The following FER1L6 variants were observed in gnomAD, a reference collection of about 807,000 sequenced individuals.
The protein encoded by FER1L6 is fer-1-like protein 6.
Under a neutral mutation model 219.2 loss-of-function variants are expected in FER1L6, and 177 were observed. The observed-to-expected ratio is 0.81, with a 90% CI of 0.71 to 0.91. The LOEUF (loss-of-function observed/expected upper bound fraction) is 0.91. FER1L6 is among the 40% of genes least tolerant of loss of function. The probability of loss-of-function intolerance (pLI) is 0.00; values close to 1 mark genes in which losing one functional copy is unlikely to be tolerated. For synonymous variants in FER1L6, 768 were observed against 824.3 expected (o/e 0.93, Z 1.17); for missense variants, 2,153 against 2,259.9 (o/e 0.95, Z 0.96).
chr8:123,919,344 C>T (rs1278898202), intron 1 of FER1L6, among the ~76,000 whole-genome samples: 1 of 152,210 alleles, frequency 6.6e-6, no homozygotes, highest in East Asian at 1.9e-4. Context: ...GTAGGGAGGA[C>T]TTGCTTTGCA....
At position 124,039,913 on chromosome 8, in the gene FER1L6, G is replaced by A. The variant is rs1255829989; in HGVS notation, c.2496G>A (p.Met832Ile). 5.6e-6 allele frequency: 9 copies of A among 1,614,010 alleles called. No individual in the cohort carries two copies. Among genetic ancestry groups the A allele is most frequent in the Non-Finnish European group, 7.6e-6 (9 of 1,180,002 alleles). The change falls in exon 20 of 41, where the codon ATG becomes ATA. Residue 832 changes from methionine to isoleucine, a missense_variant. Transcript: ENST00000522917. The part of the protein sequence containing the change: ...EQHVFQLRAH[M>I]YQARGLIAAD... ...ATGTTTTTCAGCTGAGGGCTCACATGTACCAAGCCCGGGGCCTCATCGCAG... is the reference window on the plus strand; with the variant it reads ...ATGTTTTTCAGCTGAGGGCTCACATATACCAAGCCCGGGGCCTCATCGCAG...
At chr8:123,945,429 C>T (rs542571363) in intron 1 of FER1L6, among the ~76,000 whole-genome samples, 31 of 152,348 alleles carry the variant, frequency 2.0e-4, no homozygotes, top group African/African-American at 7.2e-4. Flanking sequence ...ACACAAAAGG[C>T]TCACTGAAGA....
intron 9 of FER1L6, 102 bp downstream of exon 9, chr8:123,976,186 T>A: frequency 9.7e-7 from 1 of 1,029,152 alleles, no homozygotes; most frequent in Non-Finnish European, 1.4e-6. Context: ...AGGAAGTGCC[T>A]TGAAAGCAAA....
At chr8:123,957,033 T>C (rs1471951387) in intron 2 of FER1L6, among the ~76,000 whole-genome samples, 2 of 152,204 alleles carry the variant, frequency 1.3e-5, no homozygotes, top group African/African-American at 4.8e-5. Context: ...TAGCCTTGAT[T>C]AAAAAGCAGC....
chr8:124,095,780 C>T (rs911486526), intron 35 of FER1L6, among the ~76,000 whole-genome samples: 1 of 152,228 alleles, frequency 6.6e-6, no homozygotes, highest in African/African-American at 2.4e-5. Context: ...TGACACCTTC[C>T]TCTTATTCCT....
At position 124,093,833 on chromosome 8, in the gene FER1L6, G is replaced by GT. The variant is rs200306368; in HGVS notation, c.4553-1062dup. ...TTTAATTTTTGTGGGTACATAATAGGTATTTATATTTATGGGATAAATAAA... is the reference window on the plus strand; with the variant it reads ...TTTAATTTTTGTGGGTACATAATAGGTTATTTATATTTATGGGATAAATAAA... On this transcript the variant is annotated intron_variant, in intron 34 of 40. Coordinates refer to ENST00000522917, the MANE Select transcript of FER1L6 (RefSeq NM_001039112.2). Among the ~76,000 whole-genome samples, 596 of 151,566 alleles carry GT rather than the reference G, an allele frequency of 3.9e-3. 5 individuals carry two copies. The highest frequency in any genetic ancestry group is 0.014 in the African/African-American group (567 of 41,274).
At chr8:123,905,470 C>T (rs894637839) in intron 1 of FER1L6, among the ~76,000 whole-genome samples, 1 of 152,092 alleles carries the variant, frequency 6.6e-6, no homozygotes, top group African/African-American at 2.4e-5. Flanking sequence ...TTTCTTTATC[C>T]AGTTTATCAT....
intron 1 of FER1L6, among the ~76,000 whole-genome samples, chr8:123,898,452 T>TC (rs1419057730): frequency 7.9e-5 from 12 of 151,664 alleles, no homozygotes; most frequent in Non-Finnish European, 1.3e-4. Context: ...CTCTTCCAAG[T>TC]CCCCAAAGTC....
At chr8:124,018,239 T>A (rs1818289274) in intron 16 of FER1L6, among the ~76,000 whole-genome samples, 1 of 152,206 alleles carries the variant, frequency 6.6e-6, no homozygotes, top group African/African-American at 2.4e-5. Flanking sequence ...AGGCCCTGGA[T>A]TATCTCAATT....
At chr8:124,077,302 C>T (rs974269783) in intron 32 of FER1L6, among the ~76,000 whole-genome samples, 2 of 152,182 alleles carry the variant, frequency 1.3e-5, no homozygotes. Context: ...TTGCTCCCCA[C>T]CTTAGTAATT....
At chr8:123,947,997 T>C (rs545076000) in intron 1 of FER1L6, among the ~76,000 whole-genome samples, 1 of 152,302 alleles carries the variant, frequency 6.6e-6, no homozygotes, top group African/African-American at 2.4e-5. Flanking sequence ...CTGGAGTACA[T>C]GGTTTGAGGA....
At chr8:123,970,007 T>A in intron 5 of FER1L6, 28 bp from the exon 6 acceptor site, 1 of 1,606,440 alleles carries the variant, frequency 6.2e-7, no homozygotes. Flanking sequence ...CTGGGGTTGA[T>A]GACCAGAATG....
chr8:123,953,544 C>T (rs1814873013), intron 1 of FER1L6, among the ~76,000 whole-genome samples: 1 of 152,198 alleles, frequency 6.6e-6, no homozygotes, highest in Non-Finnish European at 1.5e-5. Context: ...TCTTCCCCAG[C>T]CCATGACAGC....
chr8:124,082,976 C>T (rs1056253798), intron 33 of FER1L6, among the ~76,000 whole-genome samples: 1 of 145,312 alleles, frequency 6.9e-6, no homozygotes, highest in Non-Finnish European at 1.5e-5. Flanking sequence ...TTCATGGGTA[C>T]ATAAATGTGT....
intron 1 of FER1L6, among the ~76,000 whole-genome samples, chr8:123,884,614 G>C (rs1817166805): frequency 6.6e-6 from 1 of 152,138 alleles, no homozygotes; most frequent in Admixed American, 6.6e-5. Flanking sequence ...GCATTAGCTG[G>C]GGTCCCAGAA....
rs11781504 is a variant in FER1L6, at chr8:123,853,764, A to G, written c.-8+1579A>G. 0.29 allele frequency among the ~76,000 whole-genome samples: 44,318 copies of G among 152,178 alleles called. 7,054 individuals are homozygous for G. Among genetic ancestry groups the G allele is most frequent in the South Asian group, 0.45 (2,181 of 4,818 alleles). ...AGGCCAGAAAGCTGCAGACAACCCAACAGTGTCAAGCACAGAGGCTGGTTT... is the reference window on the plus strand; with the variant it reads ...AGGCCAGAAAGCTGCAGACAACCCAGCAGTGTCAAGCACAGAGGCTGGTTT... On this transcript the variant is annotated intron_variant, in intron 1 of 40. Transcript: ENST00000522917. The surrounding 1 kb of genome is among the most constrained non-coding windows in gnomAD (Gnocchi z 6.6).
intron 22 of FER1L6, among the ~76,000 whole-genome samples, chr8:124,052,433 C>T (rs542389041): frequency 3.3e-5 from 5 of 152,114 alleles, no homozygotes; most frequent in Non-Finnish European, 7.4e-5. Context: ...GAACATTTCC[C>T]AAAGTCTACC....
At chr8:123,913,639 C>A (rs192063519) in intron 1 of FER1L6, among the ~76,000 whole-genome samples, 51 of 152,178 alleles carry the variant, frequency 3.4e-4, no homozygotes, top group Admixed American at 1.2e-3. Flanking sequence ...TTCCACATTG[C>A]ACTATTGCAT....
rs528421076 is a variant in FER1L6, at chr8:124,095,660, G to T, written c.4695+622G>T. Among the ~76,000 whole-genome samples, 14 of 152,320 alleles carry T rather than the reference G, an allele frequency of 9.2e-5. 1 individual carries two copies. The South Asian group carries it at 1.9e-3, about 20-fold the overall frequency. On this transcript the variant is annotated intron_variant, in intron 35 of 40. Coordinates refer to ENST00000522917, the MANE Select transcript of FER1L6 (RefSeq NM_001039112.2). ...GTAAATTATCTCAACTATTTAGGAT[G>T]ACCATAGAATTGTTTATCCAAACTG...
Sources: gnomAD v4.1 joint callset for allele counts (sites outside exome capture counted in the v4.1 genomes callset) on GRCh38, gnomAD v4.1.1 for gene constraint, Gnocchi (gnomAD v3.1) non-coding constraint, MANE v1.5 for transcripts, NCBI Gene and HGNC (gene_info 2026-07-23, HGNC 2026-07-21) for gene names.